The following SELENOS variants were observed in gnomAD, a reference collection of about 807,000 sequenced individuals.
The protein encoded by SELENOS is selenoprotein S.
Under a neutral mutation model 30.2 loss-of-function variants are expected in SELENOS, and 37 were observed. The ratio of observed to expected loss-of-function variants is 1.23; its 90% CI spans 0.94 to 1.61. The LOEUF (loss-of-function observed/expected upper bound fraction) is 1.61. SELENOS is among the 40% of genes most tolerant of loss of function. The probability of loss-of-function intolerance (pLI) is 0.00; values close to 1 mark genes in which losing one functional copy is unlikely to be tolerated. For synonymous variants in SELENOS, 119 were observed against 91.6 expected (o/e 1.30, Z -1.71); for missense variants, 289 against 231.8 (o/e 1.25, Z -1.60).
At chr15:101,275,931 AAAAG>A (rs1462352432) in intron 2 of SELENOS, among the ~76,000 whole-genome samples, 205 of 151,298 alleles carry the variant, frequency 1.4e-3, no homozygotes, top group African/African-American at 4.8e-3. Context: ...AAAAAAAAAA[AAAAG>A]AAAGAAAAGA....
intron 3 of SELENOS, 98 bp downstream of exon 3, chr15:101,275,157 G>C: frequency 9.9e-7 from 1 of 1,012,152 alleles, no homozygotes; most frequent in Non-Finnish European, 1.4e-6. Flanking sequence ...GATAGGACCT[G>C]GTCCTAGAAG....
chr15:101,277,266 C>G (rs1157206451), intron 1 of SELENOS, 76 bp downstream of exon 1: 2 of 1,521,392 alleles, frequency 1.3e-6, no homozygotes, highest in African/African-American at 2.8e-5. Flanking sequence ...CCCGGTGCAG[C>G]GGCGGACGAC....
intron 1 of SELENOS, 159 bp from the exon 2 acceptor site, chr15:101,276,834 A>G (rs2039333429): frequency 5.0e-6 from 4 of 804,578 alleles, no homozygotes; most frequent in Admixed American, 3.2e-5. Flanking sequence ...CACGAACTCA[A>G]GAAGTGCGAC....
In SELENOS at chr15:101,277,436, C is replaced by A. The variant is rs886102553; in HGVS notation, c.-19G>T. On this transcript the variant is annotated 5_prime_UTR_variant, in exon 1 of 6. Coordinates refer to ENST00000526049, the MANE Select transcript of SELENOS (RefSeq NM_018445.6). ...GTTCCATGACCGCCGCCGCCGCCGC[C>A]GCCCAGCCCTGCCGCCGCGCCTCCA... 6.9e-7 allele frequency: 1 copy of A among 1,447,756 alleles called. No individual in the cohort carries two copies. Among genetic ancestry groups the A allele is most frequent in the South Asian group, 1.4e-5 (1 of 73,164 alleles). The allele number at this position is 1,447,756 out of a possible 1,614,324, so 89.7% of individuals were successfully genotyped here.
intron 2 of SELENOS, 132 bp downstream of exon 2, chr15:101,276,409 C>A (rs2039327274): frequency 6.7e-6 from 8 of 1,201,376 alleles, no homozygotes; most frequent in Non-Finnish European, 8.9e-6. Context: ...CCGCCACTCC[C>A]GGCTATTTTT....
chr15:101,271,847 C>T (rs915159555), downstream of SELENOS, among the ~76,000 whole-genome samples: 4 of 152,104 alleles, frequency 2.6e-5, no homozygotes, highest in African/African-American at 9.7e-5. Flanking sequence ...ATATAAAAAC[C>T]TAAGACTATG....
Position 101,276,695 on chromosome 15 carries a change from T to C in SELENOS, c.77-20A>G. ...AGCCCACTGAAAAGAAAAACAGTTT[T>C]CAAAAAACTAAAAATGACACTACTA... is the stretch of plus-strand genomic sequence containing the variant. On this transcript the variant is annotated intron_variant, in intron 1 of 5. Transcript: ENST00000526049. The C allele has an allele frequency of 1.3e-6, 2 of 1,596,238 alleles. No homozygotes were observed. Among genetic ancestry groups the C allele is most frequent in the Non-Finnish European group, 1.7e-6 (2 of 1,174,514 alleles).
chr15:101,277,268 G>A (rs1596466905), intron 1 of SELENOS, 74 bp downstream of exon 1: 2 of 1,522,136 alleles, frequency 1.3e-6, no homozygotes, highest in Admixed American at 2.0e-5. Context: ...CGGTGCAGCG[G>A]CGGACGACCC....
intron 1 of SELENOS, chr15:101,277,034 G>C (rs1306145388): frequency 1.7e-6 from 1 of 587,552 alleles, no homozygotes; most frequent in Non-Finnish European, 3.1e-6. Context: ...GTATGGGGCT[G>C]TGTGGGACGG....
At chr15:101,274,556 T>C (rs2039302455) in intron 4 of SELENOS, 36 bp downstream of exon 4, 1 of 1,610,728 alleles carries the variant, frequency 6.2e-7, no homozygotes, top group Admixed American at 1.7e-5. Flanking sequence ...GCAATCTTCA[T>C]CTACCGCATG....
chr15:101,277,260 G>A (rs573134322), intron 1 of SELENOS, 82 bp downstream of exon 1: 46 of 1,521,742 alleles, frequency 3.0e-5, no homozygotes, highest in Admixed American at 1.4e-4. Context: ...CCGGCGCCCG[G>A]TGCAGCGGCG....
Position 101,272,455 on chromosome 15 carries a change from C to G in SELENOS, c.*316G>C. 3.9e-6 allele frequency: 1 copy of G among 259,710 alleles called. No homozygotes were observed. Among genetic ancestry groups the G allele is most frequent in the African/African-American group, 2.2e-5 (1 of 45,366 alleles). The allele number at this position is 259,710 out of a possible 1,614,324, so 16.1% of individuals were successfully genotyped here. A position where few individuals can be genotyped will look rare whatever the true frequency, so the allele number is the denominator to read the frequency against. ...TGTCCTAGCAGCAAGGATTTCTAAC[C>G]TCAAAAGAACATTACTAGGCCTCTT... is the stretch of plus-strand genomic sequence containing the variant. On this transcript the variant is annotated 3_prime_UTR_variant, in exon 6 of 6. Transcript: ENST00000526049.
intron 2 of SELENOS, 162 bp downstream of exon 2, chr15:101,276,379 G>T: frequency 1.1e-6 from 1 of 926,138 alleles, no homozygotes; most frequent in Non-Finnish European, 1.5e-6. Context: ...CTCCTGAGCA[G>T]CTGGGACTAC....
At chr15:101,276,493 A>C (rs894324498) in intron 2 of SELENOS, 48 bp downstream of exon 2, 1 of 1,549,160 alleles carries the variant, frequency 6.5e-7, no homozygotes, top group South Asian at 1.2e-5. Flanking sequence ...CTCTTAATAT[A>C]AAGGAGGTGC....
chr15:101,273,049 T>C (rs2039287223), intron 5 of SELENOS, among the ~76,000 whole-genome samples, 193 bp from the exon 6 acceptor site: 2 of 151,814 alleles, frequency 1.3e-5, no homozygotes, highest in African/African-American at 2.4e-5. Flanking sequence ...CCATTTGAAC[T>C]GATTGTCTGG....
At position 101,272,718 on chromosome 15, in the gene SELENOS, T is replaced by G; in HGVS notation, c.*53A>C. ...GAAAAGCGTGCGTAAGGCAATTGAATCGAGGGTTAAGGGTTCATCTTGCTA... is the reference window on the plus strand; with the variant it reads ...GAAAAGCGTGCGTAAGGCAATTGAAGCGAGGGTTAAGGGTTCATCTTGCTA... On this transcript the variant is annotated 3_prime_UTR_variant, in exon 6 of 6. Coordinates refer to ENST00000526049, the MANE Select transcript of SELENOS (RefSeq NM_018445.6). 1 of 1,540,936 alleles carries G rather than the reference T, an allele frequency of 6.5e-7. No homozygotes were observed. The highest frequency in any genetic ancestry group is 1.2e-5 in the South Asian group (1 of 84,134).
intron 5 of SELENOS, among the ~76,000 whole-genome samples, chr15:101,273,712 C>T (rs4965814): frequency 0.63 from 95,861 of 152,068 alleles, 35,236 homozygotes; most frequent in South Asian, 0.88. Context: ...TACAGCTCAG[C>T]GTTTAAGGTC....
In SELENOS at chr15:101,272,748, C is replaced by CA. The variant is rs765993279; in HGVS notation, c.*22dup. 1 of 1,592,026 alleles carries CA rather than the reference C, an allele frequency of 6.3e-7. No homozygotes were observed. ...GGTTAAGGGTTCATCTTGCTAATGT[C>CA]AAAAGTGACACTAACAAGATTCTTA... On this transcript the variant is annotated 3_prime_UTR_variant, in exon 6 of 6. Coordinates refer to ENST00000526049, the MANE Select transcript of SELENOS (RefSeq NM_018445.6).
At position 101,274,697 on chromosome 15, in the gene SELENOS, A is replaced by G. The variant is rs1485822131; in HGVS notation, c.319-16T>C. The G allele has an allele frequency of 1.2e-6, 2 of 1,602,756 alleles. No homozygotes were observed. The highest frequency in any genetic ancestry group is 1.7e-5 in the Admixed American group (1 of 57,418). On this transcript the variant is annotated splice_polypyrimidine_tract_variant and intron_variant, in intron 3 of 5. Transcript: ENST00000526049. ...CTTCTTCAAGCTGAGAAACAATCACATTTTACAGAAAGAATTCAGAAGCTG... is the reference window on the plus strand; with the variant it reads ...CTTCTTCAAGCTGAGAAACAATCACGTTTTACAGAAAGAATTCAGAAGCTG...
Sources: gnomAD v4.1 joint callset for allele counts (sites outside exome capture counted in the v4.1 genomes callset) on GRCh38, gnomAD v4.1.1 for gene constraint, MANE v1.5 for transcripts, NCBI Gene and HGNC (gene_info 2026-07-23, HGNC 2026-07-21) for gene names.